Variants in POLD3 observed in about 807,000 individuals in gnomAD.
POLD3 encodes DNA polymerase delta 3, accessory subunit.
POLD3 carries 19 observed loss-of-function variants against 58.2 expected under a neutral mutation model. That is an observed-to-expected ratio of 0.33 (90% confidence interval 0.23 to 0.48). POLD3 has a LOEUF of 0.48. Among genes scored for constraint, POLD3 ranks in the 20% least tolerant of loss-of-function variants. The pLI, the probability that POLD3 is intolerant of heterozygous loss-of-function variation, is 0.99. For missense variants in POLD3, 504 were observed against 545.5 expected, an observed-to-expected ratio of 0.92 and a Z score of 0.76; for synonymous variants, 172 against 193.5, an observed-to-expected ratio of 0.89 and a Z score of 0.92.
chr11:74,643,034 CA>C lies in POLD3; in HGVS notation c.*2272del. 1.6e-6 allele frequency: 1 copy of C among 607,742 alleles called. No individual in the cohort carries two copies. Among genetic ancestry groups the C allele is most frequent in the Non-Finnish European group, 2.1e-6 (1 of 485,296 alleles). 37.6% of individuals were successfully genotyped at this position (607,742 alleles called of 1,614,324 possible). On this transcript the variant is annotated 3_prime_UTR_variant, in exon 12 of 12. Coordinates refer to ENST00000263681, the MANE Select transcript of POLD3 (RefSeq NM_006591.3). Reference sequence around the variant, plus strand: ...AGTTTCACAGCCTCAAGTTCTTTATCAAAATAAAACTAAAATGAGTTACCAA... The same window carrying C: ...AGTTTCACAGCCTCAAGTTCTTTATCAAATAAAACTAAAATGAGTTACCAA...
At chr11:74,595,774 C>T (rs1160009670) in intron 2 of POLD3, among the ~76,000 whole-genome samples, 1 of 152,102 alleles carries the variant, frequency 6.6e-6, no homozygotes, top group Non-Finnish European at 1.5e-5. Flanking sequence ...CGTGCCACCA[C>T]ACTCAGCTAA....
chr11:74,594,306 A>G (rs563994439), intron 2 of POLD3, among the ~76,000 whole-genome samples, 190 bp downstream of exon 2: 7 of 152,282 alleles, frequency 4.6e-5, no homozygotes, highest in African/African-American at 1.7e-4. Context: ...TTCTCCCTGT[A>G]TATCTGTATC....
Position 74,592,642 on chromosome 11 carries a change from C to G in POLD3, c.-17C>G, listed in dbSNP as rs56027280. ...ATTGAGAGAGGGGTTAGAGGCGGGT[C>G]CCAGCGCTGCCGCACCATGGCGGAC... On this transcript the variant is annotated 5_prime_UTR_variant, in exon 1 of 12. Coordinates refer to ENST00000263681, the MANE Select transcript of POLD3 (RefSeq NM_006591.3). 3.1e-6 allele frequency: 5 copies of G among 1,601,588 alleles called. No homozygotes were observed. The highest frequency in any genetic ancestry group is 2.7e-5 in the African/African-American group (2 of 74,658).
chr11:74,641,171 G>C lies in POLD3; in HGVS notation c.*405G>C, dbSNP rs1246377473. 1 of 987,214 alleles carries C rather than the reference G, an allele frequency of 1.0e-6. No homozygotes were observed. Among genetic ancestry groups the C allele is most frequent in the East Asian group, 1.1e-4 (1 of 8,946 alleles). 61.2% of individuals were successfully genotyped at this position (987,214 alleles called of 1,614,324 possible). Reference sequence around the variant, plus strand: ...CCTCTGTATTCTAAGAATTCATGTGGGTGTTTCTTATCCTTACATTCTGCT... The same window carrying C: ...CCTCTGTATTCTAAGAATTCATGTGCGTGTTTCTTATCCTTACATTCTGCT... On this transcript the variant is annotated 3_prime_UTR_variant, in exon 12 of 12. Transcript: ENST00000263681.
At chr11:74,598,740 T>C (rs531489168) in intron 2 of POLD3, among the ~76,000 whole-genome samples, 132 of 152,268 alleles carry the variant, frequency 8.7e-4, no homozygotes, top group African/African-American at 2.8e-3. Flanking sequence ...GCCTGGTGTC[T>C]CCAGGTAGTC....
chr11:74,607,630 A>G (rs1161814619), intron 3 of POLD3, among the ~76,000 whole-genome samples: 1 of 151,508 alleles, frequency 6.6e-6, no homozygotes, highest in Non-Finnish European at 1.5e-5. Flanking sequence ...CATCCAGGCT[A>G]TAGTGCAGTG....
chr11:74,657,980 G>T (rs1315269987), intron 4 of POLD3, among the ~76,000 whole-genome samples: 1 of 152,114 alleles, frequency 6.6e-6, no homozygotes, highest in Non-Finnish European at 1.5e-5. Context: ...GGCTTGTAAG[G>T]TTTATTAGAT....
Position 74,609,345 on chromosome 11 carries a change from G to GATATAT in POLD3, c.220-2131_220-2126dup, listed in dbSNP as rs1227959905. On this transcript the variant is annotated intron_variant, in intron 3 of 11. Transcript: ENST00000263681. ...TTTGCCTTCTCCTTCCATTGTTTTT[G>GATATAT]ATATATATATATATATATATATATA... is the stretch of plus-strand genomic sequence containing the variant. Among the ~76,000 whole-genome samples, 55 of 42,628 alleles carry GATATAT rather than the reference G, an allele frequency of 1.3e-3. 3 individuals carry two copies. The highest frequency in any genetic ancestry group is 4.0e-3 in the African/African-American group (31 of 7,756). 28.0% of individuals were successfully genotyped at this position (42,628 alleles called of 152,430 possible). A position where few individuals can be genotyped will look rare whatever the true frequency, so the allele number is the denominator to read the frequency against.
chr11:74,612,193 TG>T (rs1451065243), intron 4 of POLD3, among the ~76,000 whole-genome samples: 4 of 152,048 alleles, frequency 2.6e-5, no homozygotes, highest in Non-Finnish European at 5.9e-5. Flanking sequence ...GGGGGTAGGG[TG>T]GGGGTATTTT....
chr11:74,655,650 T>C (rs2033124300), intron 4 of POLD3, among the ~76,000 whole-genome samples: 1 of 131,314 alleles, frequency 7.6e-6, no homozygotes, highest in Non-Finnish European at 1.6e-5. Flanking sequence ...TCAACACCTA[T>C]ATTTGACCAA....
At chr11:74,618,884 A>G in intron 6 of POLD3, 80 bp downstream of exon 6, 1 of 1,183,616 alleles carries the variant, frequency 8.4e-7, no homozygotes, top group Non-Finnish European at 1.2e-6. Flanking sequence ...CAGTGGTAGT[A>G]GTTTATTTAT....
At position 74,592,652 on chromosome 11, in the gene POLD3, C is replaced by T. The variant is rs780409843; in HGVS notation, c.-7C>T. 6.2e-7 allele frequency: 1 copy of T among 1,609,862 alleles called. No homozygotes were observed. The highest frequency in any genetic ancestry group is 1.1e-5 in the South Asian group (1 of 90,698). On this transcript the variant is annotated 5_prime_UTR_variant, in exon 1 of 12. Coordinates refer to ENST00000263681, the MANE Select transcript of POLD3 (RefSeq NM_006591.3). ...GGGTTAGAGGCGGGTCCCAGCGCTG[C>T]CGCACCATGGCGGACCAGCTTTATC...
chr11:74,625,438 A>G lies in POLD3; in HGVS notation c.764A>G (p.Gln255Arg). 6.2e-7 allele frequency: 1 copy of G among 1,612,644 alleles called. No homozygotes were observed. The highest frequency in any genetic ancestry group is 8.5e-7 in the Non-Finnish European group (1 of 1,179,416). ...TTTAAAGTCAATTTGGACTCAGAAC[A>G]AGCAGTGAAAGAAGAAAAAATAGTG... Reference protein sequence around the residue: ...NKFKVNLDSEQAVKEEKIVEQ... With the variant: ...NKFKVNLDSERAVKEEKIVEQ... The change falls in exon 8 of 12, where the codon CAA (glutamine) becomes CGA (arginine). Residue 255 changes from glutamine (Q) to arginine (R), a missense_variant. By Grantham distance (43) the Gln-to-Arg change is conservative (BLOSUM62 1). Transcript: ENST00000263681.
chr11:74,619,395 T>G (rs2032180779), intron 6 of POLD3, among the ~76,000 whole-genome samples: 1 of 152,180 alleles, frequency 6.6e-6, no homozygotes, highest in Admixed American at 6.5e-5. Context: ...CATTTTCCAG[T>G]GTCAAGTGTA....
At chr11:74,622,815 C>T (rs968170393) in intron 7 of POLD3, among the ~76,000 whole-genome samples, 1 of 150,654 alleles carries the variant, frequency 6.6e-6, no homozygotes, top group Non-Finnish European at 1.5e-5. Context: ...ATAGAGTTTA[C>T]CCAGCAGTTC....
chr11:74,648,395 T>C (rs535096953), intron 4 of POLD3, among the ~76,000 whole-genome samples: 3 of 152,302 alleles, frequency 2.0e-5, no homozygotes, highest in African/African-American at 7.2e-5. Context: ...CTGACTACTG[T>C]ACCATGTCCT....
intron 2 of POLD3, among the ~76,000 whole-genome samples, chr11:74,596,957 A>T (rs567247808): frequency 6.6e-6 from 1 of 152,350 alleles, no homozygotes; most frequent in South Asian, 2.1e-4. Context: ...TTTATGGCTG[A>T]ATAGTATTCC....
At chr11:74,645,584 G>A (rs921747180), downstream of POLD3, among the ~76,000 whole-genome samples, 1 of 152,204 alleles carries the variant, frequency 6.6e-6, no homozygotes, top group Non-Finnish European at 1.5e-5. Flanking sequence ...CTCTGAACTT[G>A]TTTCCTCATC....
intron 4 of POLD3, among the ~76,000 whole-genome samples, chr11:74,660,005 C>T (rs2135199402): frequency 6.6e-6 from 1 of 152,326 alleles, no homozygotes; most frequent in Admixed American, 6.5e-5. Context: ...CTGACAAAGA[C>T]ATACCCGAGA....
Sources: gnomAD v4.1 joint callset for allele counts (sites outside exome capture counted in the v4.1 genomes callset) on GRCh38, gnomAD v4.1.1 for gene constraint, MANE v1.5 for transcripts, NCBI Gene and HGNC (gene_info 2026-07-23, HGNC 2026-07-21) for gene names.